Variants in KIAA1217 observed in about 807,000 individuals in gnomAD.
KIAA1217 encodes the protein KIAA1217.
In KIAA1217, 88 loss-of-function variants were observed where a neutral mutation model predicts 163.9. The observed-to-expected ratio is 0.54, with a 90% CI of 0.45 to 0.64. KIAA1217 has a LOEUF of 0.64. Ranked by LOEUF, KIAA1217 falls within the 30% of genes least tolerant of loss-of-function variation. The pLI is 0.00. For synonymous variants in KIAA1217, 903 were observed against 923.1 expected (o/e 0.98, Z 0.39); for missense variants, 2,372 against 2,475.0 (o/e 0.96, Z 0.88).
chr10:23,920,042 G>A (rs1354674451), intron 1 of KIAA1217, among the ~76,000 whole-genome samples: 1 of 152,142 alleles, frequency 6.6e-6, no homozygotes. Flanking sequence ...ACTTAAAGAG[G>A]CTTTGTCATG....
chr10:24,484,815 A>T (rs1267549889), intron 6 of KIAA1217, among the ~76,000 whole-genome samples: 6 of 152,196 alleles, frequency 3.9e-5, no homozygotes, highest in Admixed American at 6.5e-5. Context: ...TTTTTCATTG[A>T]CATAAAACCA....
intron 2 of KIAA1217, among the ~76,000 whole-genome samples, chr10:24,365,284 C>G (rs2050620191): frequency 6.6e-6 from 1 of 152,126 alleles, no homozygotes; most frequent in Non-Finnish European, 1.5e-5. Context: ...GGACTCCGGT[C>G]TCTTCCATTA....
chr10:24,165,925 G>A (rs7902999), intron 2 of KIAA1217, among the ~76,000 whole-genome samples: 42,688 of 151,996 alleles, frequency 0.28, 7,070 homozygotes, highest in South Asian at 0.36. Context: ...TGGCCAAGGT[G>A]ACAAGACAGT....
chr10:24,250,208 C>T (rs968675832), intron 2 of KIAA1217, among the ~76,000 whole-genome samples: 2 of 152,074 alleles, frequency 1.3e-5, no homozygotes, highest in African/African-American at 2.4e-5. Flanking sequence ...AGAAGAAAGC[C>T]GCATACATAG....
intron 1 of KIAA1217, among the ~76,000 whole-genome samples, chr10:23,836,285 A>G (rs1354472858): frequency 2.6e-5 from 4 of 152,118 alleles, no homozygotes; most frequent in Non-Finnish European, 5.9e-5. Flanking sequence ...TGTTATGGGT[A>G]GTTTATAAGC....
intron 3 of KIAA1217, among the ~76,000 whole-genome samples, chr10:24,391,630 C>A (rs758022133): frequency 2.6e-5 from 4 of 152,148 alleles, no homozygotes; most frequent in Admixed American, 1.3e-4. Context: ...CAGGTGTGAG[C>A]CACCACACTT....
At chr10:23,697,110 C>T (rs1189915282) in intron 1 of KIAA1217, among the ~76,000 whole-genome samples, 3 of 152,190 alleles carry the variant, frequency 2.0e-5, no homozygotes, top group Non-Finnish European at 2.9e-5. Flanking sequence ...ATACGTGCAT[C>T]TCTGAACACT....
At chr10:24,076,901 G>T (rs2061385495) in intron 2 of KIAA1217, among the ~76,000 whole-genome samples, 1 of 147,790 alleles carries the variant, frequency 6.8e-6, no homozygotes, top group Middle Eastern at 3.4e-3. Context: ...TTTTGAGATG[G>T]AGCCTCATTC....
At chr10:23,736,090 TTTTTATGAACACACATTC>T (rs1440146715) in intron 1 of KIAA1217, among the ~76,000 whole-genome samples, 2 of 152,214 alleles carry the variant, frequency 1.3e-5, no homozygotes, top group Non-Finnish European at 2.9e-5. Context: ...TCATGATACA[TTTTTATGAACACACATTC>T]TTAATTTTAA....
intron 2 of KIAA1217, among the ~76,000 whole-genome samples, chr10:24,355,072 A>G (rs2048915244): frequency 6.6e-6 from 1 of 152,228 alleles, no homozygotes; most frequent in South Asian, 2.1e-4. Context: ...GTTAGTAGGT[A>G]AGAAGCTTGA....
intron 6 of KIAA1217, among the ~76,000 whole-genome samples, chr10:24,484,239 A>ATTTTT (rs1554896420): frequency 1.0e-4 from 9 of 86,198 alleles, no homozygotes; most frequent in Non-Finnish European, 1.4e-4. Flanking sequence ...ATATATATAT[A>ATTTTT]TATTTTTTTT....
chr10:24,291,034 G>A (rs1160331811), intron 2 of KIAA1217, among the ~76,000 whole-genome samples: 2 of 152,150 alleles, frequency 1.3e-5, no homozygotes, highest in African/African-American at 2.4e-5. Context: ...GTTGTTCTGT[G>A]TGAATAAGTT....
chr10:24,335,659 G>T (rs907693727), intron 2 of KIAA1217, among the ~76,000 whole-genome samples: 1 of 149,412 alleles, frequency 6.7e-6, no homozygotes, highest in African/African-American at 2.5e-5. Context: ...GCCCAGGCTG[G>T]AGTGCAGTGG....
At chr10:24,303,486 A>C (rs922916179) in intron 2 of KIAA1217, among the ~76,000 whole-genome samples, 1 of 152,214 alleles carries the variant, frequency 6.6e-6, no homozygotes, top group Non-Finnish European at 1.5e-5. Context: ...ATCCCAGTTC[A>C]CAGAGTTGAT....
At chr10:24,440,305 T>C (rs2060387002) in intron 5 of KIAA1217, among the ~76,000 whole-genome samples, 1 of 152,240 alleles carries the variant, frequency 6.6e-6, no homozygotes, top group Non-Finnish European at 1.5e-5. Flanking sequence ...ATTTGCCTTT[T>C]ATTACTCTGT....
chr10:23,857,908 C>CA (rs1182683564), intron 1 of KIAA1217, among the ~76,000 whole-genome samples: 2 of 151,056 alleles, frequency 1.3e-5, no homozygotes, highest in Non-Finnish European at 1.5e-5. Flanking sequence ...GTGAAAATGC[C>CA]ATTTTATTAA....
At chr10:24,364,313 G>A (rs544232235) in intron 2 of KIAA1217, among the ~76,000 whole-genome samples, 47 of 152,182 alleles carry the variant, frequency 3.1e-4, no homozygotes, top group African/African-American at 9.9e-4. Flanking sequence ...ATTTTCTATC[G>A]TATAGTCAAA....
At chr10:24,386,099 T>G (rs1042378971) in intron 3 of KIAA1217, among the ~76,000 whole-genome samples, 2 of 152,200 alleles carry the variant, frequency 1.3e-5, no homozygotes, top group Non-Finnish European at 2.9e-5. Flanking sequence ...TGCAGACAGA[T>G]TCCTTTGTTG....
At chr10:24,412,957 A>G (rs960700729) in intron 3 of KIAA1217, among the ~76,000 whole-genome samples, 5 of 152,208 alleles carry the variant, frequency 3.3e-5, no homozygotes, top group African/African-American at 1.2e-4. Flanking sequence ...TAACCCTGTT[A>G]TGCTAGTTGC....
Sources: gnomAD v4.1 joint callset for allele counts (sites outside exome capture counted in the v4.1 genomes callset) on GRCh38, gnomAD v4.1.1 for gene constraint, MANE v1.5 for transcripts, NCBI Gene and HGNC (gene_info 2026-07-23, HGNC 2026-07-21) for gene names.